CDH13: variants seen among roughly 807,000 people sequenced by gnomAD.
CDH13 encodes the protein cadherin-13.
CDH13 carries 24 observed loss-of-function variants against 63.8 expected under a neutral mutation model. The observed-to-expected ratio is 0.38, with a 90% CI of 0.27 to 0.53. CDH13 has a LOEUF of 0.53. Ranked by LOEUF, CDH13 falls within the 20% of genes least tolerant of loss-of-function variation. The pLI is 0.85. For synonymous variants in CDH13, 503 were observed against 355.3 expected, an observed-to-expected ratio of 1.42 and a Z score of -4.67; for missense variants, 1,049 against 903.1, an observed-to-expected ratio of 1.16 and a Z score of -2.07.
chr16:83,082,585 G>A (rs1285407211), intron 3 of CDH13, among the ~76,000 whole-genome samples: 9 of 152,180 alleles, frequency 5.9e-5, no homozygotes, highest in African/African-American at 1.7e-4. Flanking sequence ...AGGTTGCAGT[G>A]AGCCAAGACC....
chr16:83,649,913 C>T (rs1163560065), intron 8 of CDH13, among the ~76,000 whole-genome samples: 1 of 152,216 alleles, frequency 6.6e-6, no homozygotes, highest in Non-Finnish European at 1.5e-5. Flanking sequence ...TGGTCCAAAG[C>T]CCACACTTTG....
At chr16:83,209,679 A>G (rs577712284) in intron 4 of CDH13, among the ~76,000 whole-genome samples, 1 of 152,134 alleles carries the variant, frequency 6.6e-6, no homozygotes, top group East Asian at 1.9e-4. Context: ...GGGAATGTGA[A>G]AGAGAATAAG....
chr16:82,971,054 A>G (rs1165860666), intron 2 of CDH13, among the ~76,000 whole-genome samples: 2 of 152,174 alleles, frequency 1.3e-5, no homozygotes, highest in African/African-American at 2.4e-5. Context: ...TCTGGGGCAT[A>G]CTGGCCTAAT....
At chr16:83,729,552 G>T (rs1471383845) in intron 10 of CDH13, among the ~76,000 whole-genome samples, 2 of 152,204 alleles carry the variant, frequency 1.3e-5, no homozygotes, top group African/African-American at 4.8e-5. Flanking sequence ...TTAAGAGCAT[G>T]GGCGCTATGG....
intron 11 of CDH13, among the ~76,000 whole-genome samples, chr16:83,753,440 G>C (rs118161900): frequency 0.075 from 11,384 of 152,164 alleles, 531 homozygotes; most frequent in East Asian, 0.13. Flanking sequence ...AGCTACTCAG[G>C]AGGCTGAGGA....
At chr16:83,554,065 G>C (rs545777698) in intron 7 of CDH13, among the ~76,000 whole-genome samples, 3 of 152,146 alleles carry the variant, frequency 2.0e-5, no homozygotes, top group Non-Finnish European at 4.4e-5. Context: ...AGGTCAAAAG[G>C]TATGATCATT....
chr16:82,720,719 A>G (rs1244630254), intron 1 of CDH13, among the ~76,000 whole-genome samples: 1 of 152,106 alleles, frequency 6.6e-6, no homozygotes, highest in Non-Finnish European at 1.5e-5. Flanking sequence ...ACAACATTGA[A>G]GAAAACAGCA....
At chr16:83,668,245 C>G (rs1914181977) in intron 8 of CDH13, among the ~76,000 whole-genome samples, 1 of 152,206 alleles carries the variant, frequency 6.6e-6, no homozygotes. Flanking sequence ...ATCATTCATT[C>G]ATTCAACAAA....
chr16:83,127,068 G>A (rs1442943857), intron 4 of CDH13, among the ~76,000 whole-genome samples: 3 of 152,178 alleles, frequency 2.0e-5, no homozygotes, highest in Non-Finnish European at 4.4e-5. Flanking sequence ...ACAGTTACAG[G>A]TATATCTGGT....
intron 3 of CDH13, among the ~76,000 whole-genome samples, chr16:83,090,241 G>T (rs753365636): frequency 9.9e-5 from 15 of 151,984 alleles, no homozygotes; most frequent in Non-Finnish European, 1.9e-4. Flanking sequence ...ATGTTCCCTG[G>T]TTCAGACCAT....
At chr16:83,320,735 A>G (rs1202962897) in intron 5 of CDH13, among the ~76,000 whole-genome samples, 1 of 152,206 alleles carries the variant, frequency 6.6e-6, no homozygotes, top group Non-Finnish European at 1.5e-5. Context: ...CCGGTTGCTT[A>G]TTAGAGTGTG....
At chr16:83,456,139 C>A (rs2073019220) in intron 6 of CDH13, among the ~76,000 whole-genome samples, 1 of 152,224 alleles carries the variant, frequency 6.6e-6, no homozygotes, top group Non-Finnish European at 1.5e-5. Context: ...GGGGAGTCAC[C>A]TGTGTGCCAG....
At chr16:83,359,650 A>G (rs911805415) in intron 6 of CDH13, among the ~76,000 whole-genome samples, 5 of 152,230 alleles carry the variant, frequency 3.3e-5, no homozygotes, top group Non-Finnish European at 5.9e-5. Context: ...GATTCATTAT[A>G]GAAATATAAA....
chr16:82,975,805 C>T (rs1909419527), intron 2 of CDH13, among the ~76,000 whole-genome samples: 1 of 152,136 alleles, frequency 6.6e-6, no homozygotes, highest in African/African-American at 2.4e-5. Context: ...GAGATCTTCC[C>T]CTCCTTAACC....
At chr16:83,497,499 T>C (rs1356428196) in intron 7 of CDH13, among the ~76,000 whole-genome samples, 1 of 106,374 alleles carries the variant, frequency 9.4e-6, no homozygotes, top group East Asian at 3.2e-4. Context: ...TATCACACTC[T>C]GGGGACTGTT....
Position 83,800,459 on chromosome 16 carries a change from G to C in CDH13, c.*5429G>C, listed in dbSNP as rs1904314304. 1 of 152,140 alleles carries C rather than the reference G, an allele frequency of 6.6e-6. No individual in the cohort carries two copies. The highest frequency in any genetic ancestry group is 2.4e-5 in the African/African-American group (1 of 41,416). 9.4% of individuals were successfully genotyped at this position (152,140 alleles called of 1,614,324 possible). A position where few individuals can be genotyped will look rare whatever the true frequency, so the allele number is the denominator to read the frequency against. On this transcript the variant is annotated 3_prime_UTR_variant, in exon 14 of 14. Coordinates refer to ENST00000567109, the MANE Select transcript of CDH13 (RefSeq NM_001257.5). ...TTTTATTCACACACACTTTTCAAAAGGGATAAAAGTTAATCATGTTAAAAT... is the reference window on the plus strand; with the variant it reads ...TTTTATTCACACACACTTTTCAAAACGGATAAAAGTTAATCATGTTAAAAT...
intron 1 of CDH13, among the ~76,000 whole-genome samples, chr16:82,699,371 A>G (rs965947406): frequency 6.6e-6 from 1 of 152,184 alleles, no homozygotes; most frequent in Non-Finnish European, 1.5e-5. Flanking sequence ...CCTCCTGAGA[A>G]CATACACTCT....
intron 7 of CDH13, among the ~76,000 whole-genome samples, chr16:83,589,246 T>G: frequency 8.4e-6 from 1 of 119,598 alleles, no homozygotes; most frequent in African/African-American, 3.1e-5. Context: ...CCCCTCCCTC[T>G]TCTCTCTCTT....
At chr16:83,018,931 G>C (rs1177947593) in intron 2 of CDH13, among the ~76,000 whole-genome samples, 1 of 152,226 alleles carries the variant, frequency 6.6e-6, no homozygotes, top group Non-Finnish European at 1.5e-5. Context: ...TACGAATAGA[G>C]GTGGTAGGAT....
Sources: gnomAD v4.1 joint callset for allele counts (sites outside exome capture counted in the v4.1 genomes callset) on GRCh38, gnomAD v4.1.1 for gene constraint, MANE v1.5 for transcripts, NCBI Gene and HGNC (gene_info 2026-07-23, HGNC 2026-07-21) for gene names.